The following CFAP46 variants were observed in gnomAD, a reference collection of about 807,000 sequenced individuals.
CFAP46 encodes cilia- and flagella-associated protein 46.
CFAP46 carries 245 observed loss-of-function variants against 325.7 expected under a neutral mutation model. The observed-to-expected ratio is 0.75, with a 90% CI of 0.68 to 0.84. The LOEUF is 0.84. Ranked by LOEUF, CFAP46 falls within the 40% of genes least tolerant of loss-of-function variation. The pLI is 0.00. For missense variants in CFAP46, 3,346 were observed against 3,543.0 expected (o/e 0.94, Z 1.41); for synonymous variants, 1,523 against 1,495.9 (o/e 1.02, Z -0.42).
At chr10:132,837,209 C>A in intron 44 of CFAP46, 1 of 416,372 alleles carries the variant, frequency 2.4e-6, no homozygotes, top group South Asian at 3.0e-5. Flanking sequence ...TCACCAAACC[C>A]AAAATAACAA....
At position 132,941,994 on chromosome 10, in the gene CFAP46, C is replaced by G. The variant is rs536226804; in HGVS notation, c.160G>C (p.Glu54Gln). 1 of 1,551,912 alleles carries G rather than the reference C, an allele frequency of 6.4e-7. No homozygotes were observed. The highest frequency in any genetic ancestry group is 1.4e-5 in the African/African-American group (1 of 73,190). ...GAACTAGTTACCTTCAGGGCCTGCT[C>G]TGCACACAGAACAAACAGGTCTGGG... Reference protein sequence around the residue: ...FSPDLFVLCAEQALKMRQPEV... With the variant: ...FSPDLFVLCAQQALKMRQPEV... Residue 54 changes from glutamate (E) to glutamine (Q), a missense_variant, in exon 2 of 58, where the codon GAG becomes CAG. Glu to Gln is a conservative substitution (Grantham distance 29). Transcript: ENST00000368586.
At chr10:132,830,180 G>C (rs574861538) in intron 50 of CFAP46, among the ~76,000 whole-genome samples, 6 of 151,458 alleles carry the variant, frequency 4.0e-5, no homozygotes, top group Admixed American at 1.3e-4. Flanking sequence ...GTCTCGCTCT[G>C]TCACCCAGGC....
rs752375142 is a variant in CFAP46, at chr10:132,810,577, C to A, written c.7584-88G>T. The A allele has an allele frequency of 1.4e-5, 17 of 1,183,030 alleles. No individual in the cohort carries two copies. In the Admixed American group the frequency reaches 2.1e-4, roughly 15 times the overall value. The allele number at this position is 1,183,030 out of a possible 1,614,324, so 73.3% of individuals were successfully genotyped here. A position where few individuals can be genotyped will look rare whatever the true frequency, so the allele number is the denominator to read the frequency against. Reference sequence around the variant, plus strand: ...GGGACAGGCCCGGGATGCCAGGGGCCCACGCACTTTCCCATAAGACGCTGG... The same window carrying A: ...GGGACAGGCCCGGGATGCCAGGGGCACACGCACTTTCCCATAAGACGCTGG... On this transcript the variant is annotated intron_variant, in intron 56 of 57. Transcript: ENST00000368586.
chr10:132,865,847 GGACA>G (rs777294702), intron 35 of CFAP46, among the ~76,000 whole-genome samples, 174 bp downstream of exon 35: 2 of 152,230 alleles, frequency 1.3e-5, no homozygotes, highest in African/African-American at 2.4e-5. Context: ...AGCAAAAGAC[GGACA>G]GACAGAGGAC....
chr10:132,880,372 G>C (rs1447556929), intron 28 of CFAP46, among the ~76,000 whole-genome samples: 3 of 152,196 alleles, frequency 2.0e-5, no homozygotes, highest in African/African-American at 7.2e-5. Context: ...GCACTGCTGT[G>C]AGCAGGGGCT....
rs185212348 is a variant in CFAP46 at position 132,850,353 on chromosome 10, C to A, written c.5843G>T (p.Cys1948Phe). The A allele has an allele frequency of 6.4e-7, 1 of 1,562,452 alleles. No homozygotes were observed. Among genetic ancestry groups the A allele is most frequent in the South Asian group, 1.2e-5 (1 of 84,940 alleles). ...CAGGAGCCGGGCGCGGATCTCCACACAGCCCACGCTCAGCGGCTGCAGGCT... is the reference window on the plus strand; with the variant it reads ...CAGGAGCCGGGCGCGGATCTCCACAAAGCCCACGCTCAGCGGCTGCAGGCT... Reference protein sequence around the residue: ...LGSLQPLSVGCVEIRARLLGL... With the variant: ...LGSLQPLSVGFVEIRARLLGL... Residue 1948 changes from cysteine to phenylalanine, a missense_variant, in exon 41 of 58, where the codon TGT becomes TTT. Coordinates refer to ENST00000368586, the MANE Select transcript of CFAP46 (RefSeq NM_001200049.3).
chr10:132,878,167 G>C lies in CFAP46; in HGVS notation c.4006-80C>G. On this transcript the variant is annotated intron_variant, in intron 29 of 57. Transcript: ENST00000368586. ...CTGCCCACCCTCCACTCCTGGATGA[G>C]GGACGCTCAGACCCGCGGGGCTCCC... 4 of 1,349,808 alleles carry C rather than the reference G, an allele frequency of 3.0e-6. No individual in the cohort carries two copies. The South Asian group carries it at 5.1e-5, about 17-fold the overall frequency. The allele number at this position is 1,349,808 out of a possible 1,614,324, so 83.6% of individuals were successfully genotyped here. A position where few individuals can be genotyped will look rare whatever the true frequency, so the allele number is the denominator to read the frequency against.
chr10:132,857,276 A>G (rs1299390915), intron 39 of CFAP46, among the ~76,000 whole-genome samples: 1 of 152,184 alleles, frequency 6.6e-6, no homozygotes, highest in Non-Finnish European at 1.5e-5. Context: ...CATGAGTGGC[A>G]GTGCCTGGCT....
rs1197949329 is a variant in CFAP46, at chr10:132,922,132, A to T, written c.1578T>A (p.Ile526=). Reference sequence around the variant, plus strand: ...TGGCCTCATTCTCACTGTCCAGCACAATCTGAAACGCGTCAGGGGCTAAGG... The same window carrying T: ...TGGCCTCATTCTCACTGTCCAGCACTATCTGAAACGCGTCAGGGGCTAAGG... ...GLALAPDAFQ[I]VLDSENEAKV... Residue 526 remains isoleucine, a synonymous_variant, in exon 13 of 58, where the codon ATT becomes ATA. Coordinates refer to ENST00000368586, the MANE Select transcript of CFAP46 (RefSeq NM_001200049.3). 6.5e-7 allele frequency: 1 copy of T among 1,550,362 alleles called. No individual in the cohort carries two copies. The highest frequency in any genetic ancestry group is 8.7e-7 in the Non-Finnish European group (1 of 1,146,940).
At chr10:132,825,013 G>A (rs1465060301) in intron 50 of CFAP46, among the ~76,000 whole-genome samples, 1 of 138,110 alleles carries the variant, frequency 7.2e-6, no homozygotes. Context: ...GTGTGCTGAT[G>A]TGTGCACTGT....
At chr10:132,908,973 G>C (rs1488209528) in intron 21 of CFAP46, among the ~76,000 whole-genome samples, 164 bp downstream of exon 21, 2 of 152,214 alleles carry the variant, frequency 1.3e-5, no homozygotes, top group Non-Finnish European at 2.9e-5. Flanking sequence ...TGGAGCTGAA[G>C]GAAGTGCGTC....
chr10:132,812,615 G>A (rs371251522), intron 55 of CFAP46, among the ~76,000 whole-genome samples, 170 bp downstream of exon 55: 48 of 151,682 alleles, frequency 3.2e-4, no homozygotes, highest in East Asian at 1.9e-3. Context: ...GGTAGAGGTC[G>A]TCCACCTGCA....
At chr10:132,897,671 G>A (rs1259388342) in intron 24 of CFAP46, among the ~76,000 whole-genome samples, 1 of 152,240 alleles carries the variant, frequency 6.6e-6, no homozygotes, top group Non-Finnish European at 1.5e-5. Context: ...CAGGTCGGCA[G>A]GCCAGGTGGA....
intron 44 of CFAP46, among the ~76,000 whole-genome samples, chr10:132,845,317 C>T (rs1009458118): frequency 6.6e-6 from 1 of 152,222 alleles, no homozygotes; most frequent in African/African-American, 2.4e-5. Context: ...CAGCCGGGGC[C>T]ATGTTGCGCC....
intron 8 of CFAP46, among the ~76,000 whole-genome samples, chr10:132,933,814 C>T (rs924900837): frequency 2.0e-5 from 3 of 152,262 alleles, no homozygotes; most frequent in South Asian, 2.1e-4. Flanking sequence ...CCACAGGAAC[C>T]GAGTCCTCTC....
At position 132,924,838 on chromosome 10, in the gene CFAP46, C is replaced by G; in HGVS notation, c.1114G>C (p.Val372Leu). ...ATGACCCGGGGGTCGCCCAGGCGCA[C>G]GGCTCGCTGCAGCGCGACGTCTAGC... is the stretch of plus-strand genomic sequence containing the variant. ...QRLDVALQRA[V>L]RLGDPRVIHV... is the part of the protein sequence containing the mutation. Residue 372 changes from valine (V) to leucine (L), a missense_variant, in exon 11 of 58, where the codon GTG becomes CTG. Transcript: ENST00000368586. 1 of 1,439,172 alleles carries G rather than the reference C, an allele frequency of 6.9e-7. No homozygotes were observed. Among genetic ancestry groups the G allele is most frequent in the South Asian group, 1.4e-5 (1 of 70,342 alleles). The allele number at this position is 1,439,172 out of a possible 1,614,324, so 89.2% of individuals were successfully genotyped here.
intron 55 of CFAP46, 37 bp downstream of exon 55, chr10:132,812,748 C>T (rs1295909321): frequency 6.6e-7 from 1 of 1,516,500 alleles, no homozygotes; most frequent in Admixed American, 1.7e-5. Flanking sequence ...TTGTCCTGTG[C>T]CCGCGGGGGA....
rs1591093163 is a variant in CFAP46 at position 132,922,680 on chromosome 10, G to A, written c.1285C>T (p.His429Tyr). The A allele has an allele frequency of 6.5e-7, 1 of 1,549,280 alleles. No individual in the cohort carries two copies. The highest frequency in any genetic ancestry group is 2.4e-5 in the East Asian group (1 of 40,890). The change falls in exon 12 of 58, where the codon CAC (histidine) becomes TAC (tyrosine). Residue 429 changes from histidine to tyrosine, a missense_variant. Coordinates refer to ENST00000368586, the MANE Select transcript of CFAP46 (RefSeq NM_001200049.3). ...SLMTLLRCQVHMEMAQIEEDE... is the reference protein window; with the variant it reads ...SLMTLLRCQVYMEMAQIEEDE... ...TCCTCGATCTGCGCCATCTCCATGT[G>A]CACTTGACAGCGGAGAAGCGTCATG...
At position 132,915,904 on chromosome 10, in the gene CFAP46, G is replaced by A. The variant is rs183226664; in HGVS notation, c.2120+645C>T. 9.2e-5 allele frequency among the ~76,000 whole-genome samples: 14 copies of A among 152,018 alleles called. No individual in the cohort carries two copies. The East Asian group carries it at 1.3e-3, about 15-fold the overall frequency. On this transcript the variant is annotated intron_variant, in intron 17 of 57. Coordinates refer to ENST00000368586, the MANE Select transcript of CFAP46 (RefSeq NM_001200049.3). ...AAACGTCACTATGCACCCCAAAAAC[G>A]GTAAAATTCTTGTCAATTAAAAAAA...
Sources: allele counts gnomAD v4.1 joint callset (sites outside exome capture counted in the v4.1 genomes callset), GRCh38; gene constraint gnomAD v4.1.1; transcripts MANE v1.5; gene names NCBI Gene and HGNC (gene_info 2026-07-23, HGNC 2026-07-21).